Variants in ABTB3 observed in about 807,000 individuals in gnomAD.
The protein encoded by ABTB3 is ankyrin repeat and BTB domain containing 3.
At chr12:107,624,181 G>T in the ABTB3 span, among the ~76,000 whole-genome samples, 1 of 151,374 alleles carries the variant, frequency 6.6e-6, no homozygotes, top group Admixed American at 6.6e-5. Context: ...TAGGGGCAAA[G>T]TGTGATCGGT....
At chr12:107,351,103 T>C in the ABTB3 span, among the ~76,000 whole-genome samples, 2 of 152,204 alleles carry the variant, frequency 1.3e-5, no homozygotes, top group Non-Finnish European at 2.9e-5. Flanking sequence ...ATTAAAGGCA[T>C]TTATTCAATT....
At chr12:107,469,216 A>G in the ABTB3 span, among the ~76,000 whole-genome samples, 5 of 152,210 alleles carry the variant, frequency 3.3e-5, no homozygotes, top group Non-Finnish European at 5.9e-5. Flanking sequence ...ATGGGACCCC[A>G]GAAGCAGAAT....
the ABTB3 span, among the ~76,000 whole-genome samples, chr12:107,433,183 G>A: frequency 6.1e-3 from 924 of 151,294 alleles, 6 homozygotes; most frequent in African/African-American, 0.021. Flanking sequence ...CCAGCTACTC[G>A]GGAGGCTGAG....
the ABTB3 span, among the ~76,000 whole-genome samples, chr12:107,645,037 A>G: frequency 1.4e-5 from 2 of 147,610 alleles, no homozygotes; most frequent in Non-Finnish European, 3.0e-5. Context: ...CAATGGCGCA[A>G]TCTCGGCTTA....
the ABTB3 span, among the ~76,000 whole-genome samples, chr12:107,460,708 C>T: frequency 3.9e-4 from 59 of 152,242 alleles, no homozygotes; most frequent in African/African-American, 8.4e-4. Context: ...AGAGGGGCCA[C>T]GGTGTTGCTT....
chr12:107,483,909 C>A, the ABTB3 span, among the ~76,000 whole-genome samples: 2 of 152,146 alleles, frequency 1.3e-5, no homozygotes, highest in African/African-American at 2.4e-5. Flanking sequence ...CCACACTCGT[C>A]TTGAACTCCT....
At chr12:107,583,106 G>A in the ABTB3 span, among the ~76,000 whole-genome samples, 1 of 152,136 alleles carries the variant, frequency 6.6e-6, no homozygotes, top group Non-Finnish European at 1.5e-5. Context: ...CTGGACCTTA[G>A]TTTTCCCATG....
chr12:107,357,206 T>C, the ABTB3 span, among the ~76,000 whole-genome samples: 1 of 152,228 alleles, frequency 6.6e-6, no homozygotes, highest in African/African-American at 2.4e-5. Flanking sequence ...TTATGGGGCA[T>C]ATTTTGCAAG....
chr12:107,367,978 G>A, the ABTB3 span, among the ~76,000 whole-genome samples: 8 of 152,188 alleles, frequency 5.3e-5, no homozygotes, highest in African/African-American at 1.9e-4. Flanking sequence ...GCACAAAGGA[G>A]CTTGTCCTGA....
At chr12:107,522,623 G>T in the ABTB3 span, among the ~76,000 whole-genome samples, 6 of 145,498 alleles carry the variant, frequency 4.1e-5, no homozygotes, top group Admixed American at 2.1e-4. Context: ...CATTTTATTT[G>T]CTCACTGATG....
chr12:107,334,985 C>T, the ABTB3 span, among the ~76,000 whole-genome samples: 1 of 152,068 alleles, frequency 6.6e-6, no homozygotes, highest in Admixed American at 6.5e-5. Context: ...TTTCAGACCC[C>T]ATGAAGAAGC....
the ABTB3 span, among the ~76,000 whole-genome samples, chr12:107,615,964 G>A: frequency 6.6e-6 from 1 of 152,156 alleles, no homozygotes; most frequent in Non-Finnish European, 1.5e-5. Context: ...TCCATGCAGA[G>A]CAGGGACAGC....
the ABTB3 span, among the ~76,000 whole-genome samples, chr12:107,622,171 C>G: frequency 6.6e-6 from 1 of 152,242 alleles, no homozygotes; most frequent in African/African-American, 2.4e-5. Context: ...CAATGGCATC[C>G]CCTACTGGTG....
At chr12:107,575,766 A>C in the ABTB3 span, among the ~76,000 whole-genome samples, 1 of 152,048 alleles carries the variant, frequency 6.6e-6, no homozygotes, top group Non-Finnish European at 1.5e-5. Flanking sequence ...TTTAGGGCCC[A>C]CCTGGAGGCT....
At chr12:107,576,450 C>G in the ABTB3 span, among the ~76,000 whole-genome samples, 1 of 152,170 alleles carries the variant, frequency 6.6e-6, no homozygotes, top group Non-Finnish European at 1.5e-5. Flanking sequence ...ACCCTCTTGC[C>G]CCACTGTGCA....
chr12:107,376,300 C>T, the ABTB3 span, among the ~76,000 whole-genome samples: 1 of 152,154 alleles, frequency 6.6e-6, no homozygotes, highest in Admixed American at 6.5e-5. Flanking sequence ...GTTTTGTCAC[C>T]ACTGCGTCTC....
At chr12:107,647,447 G>C in the ABTB3 span, among the ~76,000 whole-genome samples, 1 of 152,344 alleles carries the variant, frequency 6.6e-6, no homozygotes, top group East Asian at 1.9e-4. Flanking sequence ...TGAGGTTACA[G>C]TGAGCTGTGA....
the ABTB3 span, among the ~76,000 whole-genome samples, chr12:107,612,573 C>T: frequency 6.6e-6 from 1 of 152,142 alleles, no homozygotes; most frequent in Non-Finnish European, 1.5e-5. Flanking sequence ...CTGAAAAGGC[C>T]GAGGAGGCTC....
the ABTB3 span, chr12:107,520,707 G>A: frequency 6.3e-7 from 1 of 1,578,412 alleles, no homozygotes; most frequent in Admixed American, 1.7e-5. Context: ...GTGACACAAT[G>A]TCCTCATGCC....
Sources: gnomAD v4.1 joint callset for allele counts (sites outside exome capture counted in the v4.1 genomes callset) on GRCh38, gnomAD v4.1.1 for gene constraint, MANE v1.5 for transcripts, NCBI Gene and HGNC (gene_info 2026-07-23, HGNC 2026-07-21) for gene names.